Variants in RBMS1 observed in about 807,000 individuals in gnomAD.
RBMS1 encodes the protein RNA binding motif single stranded interacting protein 1.
A neutral mutation model predicts 62.3 loss-of-function variants in RBMS1; 17 were observed. That is an observed-to-expected ratio of 0.27 (90% confidence interval 0.19 to 0.41). The LOEUF is 0.41. Ranked by LOEUF, RBMS1 falls within the 10% of genes least tolerant of loss-of-function variation. The probability of loss-of-function intolerance (pLI) is 1.00; values close to 1 mark genes in which losing one functional copy is unlikely to be tolerated. For synonymous variants in RBMS1, 172 were observed against 170.0 expected, an observed-to-expected ratio of 1.01 and a Z score of -0.09; for missense variants, 334 against 504.5, an observed-to-expected ratio of 0.66 and a Z score of 3.24.
chr2:160,331,074 T>C (rs1308318902), intron 2 of RBMS1, among the ~76,000 whole-genome samples: 2 of 152,106 alleles, frequency 1.3e-5, no homozygotes, highest in African/African-American at 2.4e-5. Flanking sequence ...TAACGAAGCA[T>C]GTTCCCCCAC....
chr2:160,432,596 G>A (rs1035866610), intron 1 of RBMS1: 3 of 152,190 alleles, frequency 2.0e-5, no homozygotes, highest in Admixed American at 6.5e-5. Context: ...ACTCCTTGCA[G>A]CAATAATAGC....
intron 3 of RBMS1, among the ~76,000 whole-genome samples, chr2:160,313,641 G>A (rs1256187904): frequency 6.6e-6 from 1 of 152,042 alleles, no homozygotes; most frequent in Non-Finnish European, 1.5e-5. Flanking sequence ...GAAAGATGGA[G>A]ACATCCTACA....
chr2:160,325,568 T>G (rs1690875055), intron 2 of RBMS1, among the ~76,000 whole-genome samples: 1 of 152,212 alleles, frequency 6.6e-6, no homozygotes, highest in South Asian at 2.1e-4. Context: ...TTTGGCTGCT[T>G]TGTTTTTTCA....
intron 1 of RBMS1, among the ~76,000 whole-genome samples, chr2:160,421,295 C>G (rs1696414330): frequency 6.6e-6 from 1 of 151,994 alleles, no homozygotes; most frequent in Non-Finnish European, 1.5e-5. Context: ...ATTCCCTCCC[C>G]CCTTCCCCCA....
chr2:160,450,787 A>G (rs991651622), intron 1 of RBMS1, among the ~76,000 whole-genome samples: 3 of 152,164 alleles, frequency 2.0e-5, no homozygotes, highest in African/African-American at 7.2e-5. Flanking sequence ...CAATATTTTG[A>G]AACTTGTGTT....
At chr2:160,439,415 C>T (rs1288081490) in intron 1 of RBMS1, among the ~76,000 whole-genome samples, 2 of 150,984 alleles carry the variant, frequency 1.3e-5, no homozygotes, top group Admixed American at 6.6e-5. Context: ...ACATCCCGGA[C>T]GGGGCGGCAG....
intron 11 of RBMS1, 23 bp downstream of exon 11, chr2:160,278,525 C>A (rs1444928633): frequency 1.3e-6 from 2 of 1,571,280 alleles, no homozygotes; most frequent in African/African-American, 2.7e-5. Context: ...TACAGAGACA[C>A]ATGATAATTA....
At chr2:160,306,034 C>A (rs187877765) in intron 4 of RBMS1, among the ~76,000 whole-genome samples, 80 of 152,136 alleles carry the variant, frequency 5.3e-4, no homozygotes, top group African/African-American at 1.9e-3. Flanking sequence ...GAGGCTGAGG[C>A]AGGAGGACTG....
rs547717311 is a variant in RBMS1, at chr2:160,393,851, C to T, written c.76-26460G>A. Among the ~76,000 whole-genome samples, 5 of 152,052 alleles carry T rather than the reference C, an allele frequency of 3.3e-5. No homozygotes were observed. The South Asian group carries it at 1.0e-3, about 32-fold the overall frequency. ...GCCAAGCTTCACTGGCAGTCAGGAT[C>T]TCTGGGTTCTAGTCCTGGTTTTGTT... On this transcript the variant is annotated intron_variant, in intron 1 of 13. Transcript: ENST00000348849.
chr2:160,332,443 T>C (rs549824671), intron 2 of RBMS1, among the ~76,000 whole-genome samples: 1 of 151,608 alleles, frequency 6.6e-6, no homozygotes, highest in Non-Finnish European at 1.5e-5. Flanking sequence ...AAAAAAAAAA[T>C]CAAACAACAG....
chr2:160,287,900 C>T (rs182307722), intron 6 of RBMS1, among the ~76,000 whole-genome samples: 1 of 150,780 alleles, frequency 6.6e-6, no homozygotes, highest in Non-Finnish European at 1.5e-5. Flanking sequence ...ATATATAGAT[C>T]TGTATATTAT....
chr2:160,453,586 T>C (rs1684090360), intron 1 of RBMS1, among the ~76,000 whole-genome samples: 1 of 152,176 alleles, frequency 6.6e-6, no homozygotes, highest in Non-Finnish European at 1.5e-5. Context: ...CATTGCCCTC[T>C]TATGTCACTT....
Position 160,283,654 on chromosome 2 carries a change from C to T in RBMS1, c.900+1121G>A, listed in dbSNP as rs554871612. 5.3e-5 allele frequency: 8 copies of T among 152,148 alleles called. No homozygotes were observed. In the South Asian group the frequency reaches 1.7e-3, roughly 32 times the overall value. The allele number at this position is 152,148 out of a possible 1,614,324, so 9.4% of individuals were successfully genotyped here. On this transcript the variant is annotated intron_variant, in intron 9 of 13. Transcript: ENST00000348849. ...AGTTATATGACATTGCTTATGTTGGCCAATTCATTATTTAAACGTATAACT... is the reference window on the plus strand; with the variant it reads ...AGTTATATGACATTGCTTATGTTGGTCAATTCATTATTTAAACGTATAACT...
chr2:160,384,159 C>G (rs541424416), intron 1 of RBMS1, among the ~76,000 whole-genome samples: 1 of 152,048 alleles, frequency 6.6e-6, no homozygotes, highest in Non-Finnish European at 1.5e-5. Flanking sequence ...ATCGTGCCAC[C>G]GCACTCCAGC....
At chr2:160,471,717 A>ATATATATATATATATG (rs1422014155) in intron 1 of RBMS1, among the ~76,000 whole-genome samples, 3 of 53,970 alleles carry the variant, frequency 5.6e-5, no homozygotes, top group East Asian at 2.2e-3. Flanking sequence ...ATATATATAT[A>ATATATATATATATATG]ACCTTTCATA....
At chr2:160,351,563 A>G (rs1692510569) in intron 2 of RBMS1, among the ~76,000 whole-genome samples, 1 of 151,970 alleles carries the variant, frequency 6.6e-6, no homozygotes, top group Admixed American at 6.6e-5. Context: ...TGGGTATAAG[A>G]AAAATCACAT....
chr2:160,318,431 T>C (rs1690359698), intron 2 of RBMS1, among the ~76,000 whole-genome samples: 1 of 152,182 alleles, frequency 6.6e-6, no homozygotes, highest in Non-Finnish European at 1.5e-5. Flanking sequence ...GCTAGGCCTC[T>C]TGTTTGAATT....
chr2:160,413,176 G>C (rs551575837), intron 1 of RBMS1, among the ~76,000 whole-genome samples: 1 of 152,144 alleles, frequency 6.6e-6, no homozygotes, highest in Non-Finnish European at 1.5e-5. Flanking sequence ...AAGGAATTAA[G>C]AGGAAAAATT....
At chr2:160,439,452 C>T (rs1224933504) in intron 1 of RBMS1, among the ~76,000 whole-genome samples, 6 of 148,908 alleles carry the variant, frequency 4.0e-5, no homozygotes, top group East Asian at 4.0e-4. Context: ...ACATCTCAGA[C>T]GATGGGCAGC....
Sources: gnomAD v4.1 joint callset for allele counts (sites outside exome capture counted in the v4.1 genomes callset) on GRCh38, gnomAD v4.1.1 for gene constraint, MANE v1.5 for transcripts, NCBI Gene and HGNC (gene_info 2026-07-23, HGNC 2026-07-21) for gene names.